The following PRKCA variants were observed in gnomAD, a reference collection of about 807,000 sequenced individuals.
PRKCA encodes the protein protein kinase C alpha.
Under a neutral mutation model 87.0 loss-of-function variants are expected in PRKCA, and 27 were observed. The ratio of observed to expected loss-of-function variants is 0.31; its 90% CI spans 0.23 to 0.43. The LOEUF (loss-of-function observed/expected upper bound fraction) is 0.43, where lower values mean the gene tolerates loss of function less well. Among genes scored for constraint, PRKCA ranks in the 20% least tolerant of loss-of-function variants. The pLI, the probability that PRKCA is intolerant of heterozygous loss-of-function variation, is 1.00. For missense variants in PRKCA, 518 were observed against 852.3 expected, an observed-to-expected ratio of 0.61 and a Z score of 4.88; for synonymous variants, 329 against 311.1, an observed-to-expected ratio of 1.06 and a Z score of -0.61.
chr17:66,417,221 C>A (rs994241109), intron 2 of PRKCA, among the ~76,000 whole-genome samples: 1 of 150,018 alleles, frequency 6.7e-6, no homozygotes, highest in Non-Finnish European at 1.5e-5. Context: ...TTTTTTAATA[C>A]AATAAAAAGA....
At chr17:66,315,413 A>G (rs1905263498) in intron 2 of PRKCA, among the ~76,000 whole-genome samples, 1 of 152,046 alleles carries the variant, frequency 6.6e-6, no homozygotes, top group South Asian at 2.1e-4. Flanking sequence ...CTTTTCTTGA[A>G]GTTTTGTCAC....
intron 2 of PRKCA, among the ~76,000 whole-genome samples, chr17:66,419,248 A>G (rs1241005620): frequency 6.6e-6 from 1 of 152,218 alleles, no homozygotes; most frequent in Non-Finnish European, 1.5e-5. Flanking sequence ...AAGCATACTG[A>G]GTAGAGACAT....
intron 5 of PRKCA, among the ~76,000 whole-genome samples, chr17:66,650,387 TA>T (rs1431578136): frequency 6.6e-6 from 1 of 151,946 alleles, no homozygotes; most frequent in African/African-American, 2.4e-5. Flanking sequence ...TAGGAGATTG[TA>T]ATAGGTTTTC....
intron 8 of PRKCA, among the ~76,000 whole-genome samples, chr17:66,694,398 C>T (rs567433200): frequency 5.6e-5 from 8 of 143,352 alleles, no homozygotes; most frequent in Non-Finnish European, 9.0e-5. Flanking sequence ...AGAGAATTGC[C>T]GGAACCCAGG....
chr17:66,578,558 CTGGTT>C (rs75798861), intron 3 of PRKCA, among the ~76,000 whole-genome samples: 31,814 of 151,914 alleles, frequency 0.21, 3,465 homozygotes, highest in African/African-American at 0.28. Context: ...GTACCTGGGG[CTGGTT>C]TGGTTTGGTT....
rs190316728 is a variant in PRKCA, at chr17:66,661,022, T to C, written c.529+15511T>C. Among the ~76,000 whole-genome samples the C allele has an allele frequency of 3.2e-4, 49 of 152,306 alleles. 1 individual carries two copies. Among genetic ancestry groups the C allele is most frequent in the Admixed American group, 3.1e-3 (48 of 15,294 alleles). On this transcript the variant is annotated intron_variant, in intron 5 of 16. Transcript: ENST00000413366. ...GTGAAACGCAAGGGTGGGAATGCCT[T>C]GGAGCCATAAGAATACTGAGAACCC...
At chr17:66,623,901 G>A (rs763043174) in intron 3 of PRKCA, among the ~76,000 whole-genome samples, 9 of 152,068 alleles carry the variant, frequency 5.9e-5, no homozygotes, top group Non-Finnish European at 1.3e-4. Context: ...AAGGCCCTGA[G>A]GCAAGGAAAT....
chr17:66,729,361 A>G (rs7220911), intron 8 of PRKCA, among the ~76,000 whole-genome samples: 83,733 of 151,858 alleles, frequency 0.55, 23,126 homozygotes, highest in Non-Finnish European at 0.56. Flanking sequence ...CTGGGATCGC[A>G]CCACTGCACT....
intron 2 of PRKCA, among the ~76,000 whole-genome samples, chr17:66,445,328 T>G (rs769103804): frequency 6.6e-6 from 1 of 152,222 alleles, no homozygotes; most frequent in Non-Finnish European, 1.5e-5. Flanking sequence ...CCAAATGGCA[T>G]CCGGGATTCA....
chr17:66,745,444 G>T (rs138634092), intron 13 of PRKCA, among the ~76,000 whole-genome samples: 29 of 151,778 alleles, frequency 1.9e-4, no homozygotes, highest in Non-Finnish European at 3.8e-4. Context: ...GCTTTGGGAG[G>T]CCAAGGCAGG....
chr17:66,760,933 TG>T (rs2064069657), intron 13 of PRKCA, among the ~76,000 whole-genome samples: 1 of 152,358 alleles, frequency 6.6e-6, no homozygotes, highest in Non-Finnish European at 1.5e-5. Flanking sequence ...GCTGTTCTGC[TG>T]TTTGCTTCCC....
chr17:66,559,205 G>T (rs112950931), intron 3 of PRKCA, among the ~76,000 whole-genome samples: 8,917 of 152,102 alleles, frequency 0.059, 333 homozygotes, highest in Non-Finnish European at 0.084. Flanking sequence ...GGGCACGGTG[G>T]CTCATGCCTG....
intron 3 of PRKCA, among the ~76,000 whole-genome samples, chr17:66,587,926 TA>T: frequency 7.8e-6 from 1 of 128,066 alleles, no homozygotes; most frequent in Non-Finnish European, 1.6e-5. Flanking sequence ...TATATATATA[TA>T]TATATCCTGC....
chr17:66,316,656 GCTA>G (rs1318691868), intron 2 of PRKCA, among the ~76,000 whole-genome samples: 1 of 152,122 alleles, frequency 6.6e-6, no homozygotes, highest in Non-Finnish European at 1.5e-5. Context: ...TAAAAAGTGT[GCTA>G]CTTTGACACT....
In PRKCA at chr17:66,806,365, TTCTGCCA is replaced by T. The variant is rs919404945; in HGVS notation, c.*2332_*2338del. On this transcript the variant is annotated 3_prime_UTR_variant, in exon 17 of 17. Transcript: ENST00000413366. ...GGCCCGGCCAGAAAAGAACCATTTCTTCTGCCATCTTTTATGCACCATAGACATCGAG... is the reference window on the plus strand; with the variant it reads ...GGCCCGGCCAGAAAAGAACCATTTCTTCTTTTATGCACCATAGACATCGAG... 3 of 152,130 alleles carry T rather than the reference TTCTGCCA, an allele frequency of 2.0e-5. No individual in the cohort carries two copies. Among genetic ancestry groups the T allele is most frequent in the Non-Finnish European group, 4.4e-5 (3 of 68,062 alleles). The allele number at this position is 152,130 out of a possible 1,614,324, so 9.4% of individuals were successfully genotyped here.
chr17:66,624,215 C>T (rs1056083472), intron 3 of PRKCA, among the ~76,000 whole-genome samples: 2 of 151,906 alleles, frequency 1.3e-5, no homozygotes, highest in Admixed American at 6.6e-5. Context: ...AGGAAGCCAC[C>T]GAGAGGCTAG....
intron 3 of PRKCA, among the ~76,000 whole-genome samples, chr17:66,640,046 G>T (rs985198034): frequency 6.6e-6 from 1 of 152,020 alleles, no homozygotes; most frequent in African/African-American, 2.4e-5. Flanking sequence ...GGCCCCAGAA[G>T]CAGAGGCGCT....
intron 13 of PRKCA, among the ~76,000 whole-genome samples, chr17:66,750,584 G>A (rs2144262289): frequency 6.6e-6 from 1 of 152,168 alleles, no homozygotes; most frequent in South Asian, 2.1e-4. Flanking sequence ...TAGAGCACTG[G>A]GCACCTTCTG....
intron 2 of PRKCA, among the ~76,000 whole-genome samples, chr17:66,489,503 C>G (rs1016295214): frequency 1.3e-5 from 2 of 151,136 alleles, no homozygotes; most frequent in Non-Finnish European, 2.9e-5. Flanking sequence ...GCAGGAAAGC[C>G]AAGCCTGCAG....
Sources: allele counts gnomAD v4.1 joint callset (sites outside exome capture counted in the v4.1 genomes callset), GRCh38; gene constraint gnomAD v4.1.1; transcripts MANE v1.5; gene names NCBI Gene and HGNC (gene_info 2026-07-23, HGNC 2026-07-21).